Variants in SGCG observed in about 807,000 individuals in gnomAD.
SGCG encodes the protein sarcoglycan gamma, also known as gamma-sarcoglycan.
Under a neutral mutation model 29.3 loss-of-function variants are expected in SGCG, and 26 were observed. The ratio of observed to expected loss-of-function variants is 0.89; its 90% CI spans 0.65 to 1.23. The LOEUF (loss-of-function observed/expected upper bound fraction) is 1.23. Among genes scored for constraint, SGCG ranks in the 50% most tolerant of loss-of-function variants. The pLI is 0.00. For synonymous variants in SGCG, 145 were observed against 129.7 expected (o/e 1.12, Z -0.80); for missense variants, 353 against 356.0 (o/e 0.99, Z 0.07).
At chr13:23,280,003 C>T (rs1881248231) in intron 5 of SGCG, among the ~76,000 whole-genome samples, 1 of 152,126 alleles carries the variant, frequency 6.6e-6, no homozygotes, top group African/African-American at 2.4e-5. Flanking sequence ...GCTGGGATTA[C>T]AGGTGTGAGC....
chr13:23,324,631 G>C lies in SGCG; in HGVS notation c.*90G>C. On this transcript the variant is annotated 3_prime_UTR_variant, in exon 8 of 8. Coordinates refer to ENST00000218867, the MANE Select transcript of SGCG (RefSeq NM_000231.3). ...CTGCACATCGTGAAAGACTGAGGCA[G>C]CGTGGATGGGAAGTAAACGCTTCCA... The C allele has an allele frequency of 8.4e-7, 1 of 1,188,844 alleles. No homozygotes were observed. 73.6% of individuals were successfully genotyped at this position (1,188,844 alleles called of 1,614,324 possible). A position where few individuals can be genotyped will look rare whatever the true frequency, so the allele number is the denominator to read the frequency against.
intron 6 of SGCG, among the ~76,000 whole-genome samples, chr13:23,302,863 C>G (rs1882216884): frequency 6.6e-6 from 1 of 152,072 alleles, no homozygotes; most frequent in South Asian, 2.1e-4. Context: ...TCCCAAGGAG[C>G]CTGTTCACAT....
At chr13:23,268,459 C>T (rs1016568272) in intron 4 of SGCG, 1 of 152,572 alleles carries the variant, frequency 6.6e-6, no homozygotes, top group African/African-American at 2.4e-5. Context: ...GATTCTGAGA[C>T]AAGCCTACAG....
intron 6 of SGCG, among the ~76,000 whole-genome samples, chr13:23,303,668 C>T (rs9552921): frequency 0.72 from 109,908 of 152,170 alleles, 41,604 homozygotes; most frequent in East Asian, 0.89. Context: ...TTCAACTGCT[C>T]CCCTATATAT....
At chr13:23,211,875 G>T (rs1378861463) in intron 2 of SGCG, among the ~76,000 whole-genome samples, 2 of 152,096 alleles carry the variant, frequency 1.3e-5, no homozygotes, top group African/African-American at 4.8e-5. Flanking sequence ...TTGGATCTGT[G>T]TCCCCACCCA....
intron 5 of SGCG, among the ~76,000 whole-genome samples, chr13:23,294,444 C>T (rs1018323074): frequency 2.0e-5 from 3 of 152,158 alleles, no homozygotes; most frequent in African/African-American, 4.8e-5. Context: ...TGGACTGCTG[C>T]TCTTTTTGAA....
intron 4 of SGCG, among the ~76,000 whole-genome samples, chr13:23,264,501 A>C (rs4769250): frequency 0.35 from 53,524 of 152,000 alleles, 9,907 homozygotes; most frequent in Non-Finnish European, 0.4. Flanking sequence ...GACCATACTG[A>C]CCAAAGCAGT....
chr13:23,302,196 ATACACT>A (rs1882187297), intron 6 of SGCG, among the ~76,000 whole-genome samples: 1 of 151,592 alleles, frequency 6.6e-6, no homozygotes, highest in African/African-American at 2.4e-5. Flanking sequence ...TTTTCCCAAT[ATACACT>A]ACTTAGTGAT....
chr13:23,170,705 A>T, the SGCG span: 2 of 152,264 alleles, frequency 1.3e-5, no homozygotes, highest in Non-Finnish European at 2.9e-5. Flanking sequence ...ACATTTTCAG[A>T]GGACAAAGAT....
intron 6 of SGCG, among the ~76,000 whole-genome samples, chr13:23,300,832 A>AAAAG (rs1555245959): frequency 3.0e-5 from 4 of 131,648 alleles, no homozygotes; most frequent in South Asian, 5.1e-4. Context: ...AAAAAAAAAA[A>AAAAG]GGGCCGGGCG....
At chr13:23,267,272 C>T (rs147061578) in intron 4 of SGCG, among the ~76,000 whole-genome samples, 11 of 152,316 alleles carry the variant, frequency 7.2e-5, no homozygotes, top group Non-Finnish European at 1.6e-4. Flanking sequence ...GATGCACGAA[C>T]AGAATCTGAT....
chr13:23,314,856 C>T (rs1457480603), intron 6 of SGCG, among the ~76,000 whole-genome samples: 1 of 152,152 alleles, frequency 6.6e-6, no homozygotes, highest in Non-Finnish European at 1.5e-5. Context: ...GGCACAATGC[C>T]TAGTGGGCCT....
chr13:23,269,380 G>A (rs920186783), intron 4 of SGCG, among the ~76,000 whole-genome samples: 3 of 152,128 alleles, frequency 2.0e-5, no homozygotes, highest in Admixed American at 6.6e-5. Context: ...TGCATGCATC[G>A]TTACTATTGG....
At chr13:23,189,686 C>T (rs1877161267) in intron 1 of SGCG, among the ~76,000 whole-genome samples, 1 of 152,118 alleles carries the variant, frequency 6.6e-6, no homozygotes, top group Non-Finnish European at 1.5e-5. Context: ...ACAGAGAAAA[C>T]TATCACCTTG....
At chr13:23,221,329 T>C (rs1256184546) in intron 2 of SGCG, among the ~76,000 whole-genome samples, 1 of 152,244 alleles carries the variant, frequency 6.6e-6, no homozygotes, top group Admixed American at 6.5e-5. Flanking sequence ...GTTAAAAGTT[T>C]TTTTGAATTA....
intron 4 of SGCG, among the ~76,000 whole-genome samples, chr13:23,260,044 T>C (rs1880363583): frequency 6.6e-6 from 1 of 152,208 alleles, no homozygotes; most frequent in Non-Finnish European, 1.5e-5. Context: ...GAGAGTTCTG[T>C]AGATGTCTAT....
rs550427151 is a variant in SGCG, at chr13:23,302,189, T to C, written c.578+6702T>C. 5.8e-3 allele frequency among the ~76,000 whole-genome samples: 883 copies of C among 151,868 alleles called. 8 individuals are homozygous for C. Among genetic ancestry groups the C allele is most frequent in the Non-Finnish European group, 8.0e-3 (545 of 67,932 alleles). ...TACAGTTCACTTACCCAAAATTTTT[T>C]CCCAATATACACTACTTAGTGATTG... On this transcript the variant is annotated intron_variant, in intron 6 of 7. Coordinates refer to ENST00000218867, the MANE Select transcript of SGCG (RefSeq NM_000231.3).
chr13:23,194,544 C>T (rs7325642), intron 1 of SGCG, among the ~76,000 whole-genome samples: 68,958 of 151,984 alleles, frequency 0.45, 15,873 homozygotes, highest in Admixed American at 0.51. Context: ...CTCCAAGTGG[C>T]GGAGGGATGA....
chr13:23,219,086 C>T (rs1382095170), intron 2 of SGCG, among the ~76,000 whole-genome samples: 3 of 148,566 alleles, frequency 2.0e-5, no homozygotes, highest in Admixed American at 6.7e-5. Context: ...CTTGATCTGT[C>T]GCCCAGGCTG....
Sources: gnomAD v4.1 joint callset for allele counts (sites outside exome capture counted in the v4.1 genomes callset) on GRCh38, gnomAD v4.1.1 for gene constraint, MANE v1.5 for transcripts, NCBI Gene and HGNC (gene_info 2026-07-23, HGNC 2026-07-21) for gene names.